MAMDC4: variants seen among roughly 807,000 people sequenced by gnomAD.
The protein encoded by MAMDC4 is MAM domain containing 4, also known as apical endosomal glycoprotein.
In MAMDC4, 168 loss-of-function variants were observed where a neutral mutation model predicts 153.3. The ratio of observed to expected loss-of-function variants is 1.10; its 90% CI spans 0.97 to 1.25. The LOEUF is 1.25. MAMDC4 is among the 50% of genes most tolerant of loss of function. The pLI is 0.00. For synonymous variants in MAMDC4, 744 were observed against 651.5 expected, an observed-to-expected ratio of 1.14 and a Z score of -2.16; for missense variants, 1,701 against 1,542.8, an observed-to-expected ratio of 1.10 and a Z score of -1.72.
intron 25 of MAMDC4, 196 bp from the exon 26 acceptor site, chr9:136,859,671 GCCTGGGGCCATGAGCCCCA>G (rs1849058192): frequency 3.3e-6 from 2 of 606,776 alleles, no homozygotes; most frequent in Admixed American, 3.0e-5. Flanking sequence ...AAAGAATCTC[GCCTGGGGCCATGAGCCCCA>G]CCAAGTCTGC....
chr9:136,854,818 G>T lies in MAMDC4; in HGVS notation c.991G>T (p.Glu331Ter). 1 of 1,612,804 alleles carries T rather than the reference G, an allele frequency of 6.2e-7. No homozygotes were observed. Among genetic ancestry groups the T allele is most frequent in the Non-Finnish European group, 8.5e-7 (1 of 1,179,870 alleles). ...CACCCCTGCTATACTCTCCAGCCCC[G>T]AATTCCAAGCCTCAGGCACCTCCAA... ...PGTPAILSSP[E>*]FQASGTSNCS... The change falls in exon 9 of 27, where the codon GAA becomes TAA. Residue 331 changes from glutamate (E) to a stop codon, truncating the protein, a stop_gained. Transcript: ENST00000317446. LOFTEE classifies it high-confidence loss of function.
intron 13 of MAMDC4, 63 bp from the exon 14 acceptor site, chr9:136,855,955 C>T (rs1848998230): frequency 6.4e-7 from 1 of 1,560,832 alleles, no homozygotes; most frequent in Non-Finnish European, 8.7e-7. Context: ...GACTGGGGAT[C>T]CCTGAGGGAC....
intron 1 of MAMDC4, 109 bp downstream of exon 1, chr9:136,852,571 G>C: frequency 7.2e-7 from 1 of 1,396,388 alleles, no homozygotes; most frequent in Non-Finnish European, 1.0e-6. Context: ...GCCCCAAAGG[G>C]AAGGAGGGTT....
At position 136,854,300 on chromosome 9, in the gene MAMDC4, T is replaced by C. The variant is rs1848971316; in HGVS notation, c.760T>C (p.Cys254Arg). The change falls in exon 7 of 27, where the codon TGC becomes CGC. Residue 254 changes from cysteine to arginine, a missense_variant. Physicochemically the swap from Cys to Arg is radical, Grantham distance 180 (BLOSUM62 -3). Coordinates refer to ENST00000317446, the MANE Select transcript of MAMDC4 (RefSeq NM_206920.3). ...GCAGCTGTGCGACGGGGAAGACAAC[T>C]GCGGGGACCTGTCTGATGAGAACCC... Reference protein sequence around the residue: ...PQQLCDGEDNCGDLSDENPLT... With the variant: ...PQQLCDGEDNRGDLSDENPLT... The C allele has an allele frequency of 6.3e-7, 1 of 1,597,012 alleles. No individual in the cohort carries two copies.
chr9:136,856,803 ACCACGAC>A lies in MAMDC4; in HGVS notation c.1816_1822del (p.His606ThrfsTer55). The stretch of plus-strand genomic sequence containing the variant: ...CGCTGGGTGGAGAGCCGCGGCCCTG[ACCACGAC>A]CACACCACAGGCCAAGGTAGGATGG... On this transcript the variant is annotated frameshift_variant, in exon 15 of 27. Coordinates refer to ENST00000317446, the MANE Select transcript of MAMDC4 (RefSeq NM_206920.3). LOFTEE classifies it high-confidence loss of function. 6.2e-7 allele frequency: 1 copy of A among 1,611,864 alleles called. No individual in the cohort carries two copies. The highest frequency in any genetic ancestry group is 8.5e-7 in the Non-Finnish European group (1 of 1,179,526).
rs761498553 is a variant in MAMDC4 at position 136,860,044 on chromosome 9, GACA to G, written c.3356_3358del (p.Asn1119del). On this transcript the variant is annotated inframe_deletion, in exon 26 of 27. Coordinates refer to ENST00000317446, the MANE Select transcript of MAMDC4 (RefSeq NM_206920.3). ...CACAGAGGCCACAGCCCCTGGCTTTGACAACATCCTTTTCAATGCGGTAGGAGC... is the reference window on the plus strand; with the variant it reads ...CACAGAGGCCACAGCCCCTGGCTTTGACATCCTTTTCAATGCGGTAGGAGC... 4 of 1,595,782 alleles carry G rather than the reference GACA, an allele frequency of 2.5e-6. No individual in the cohort carries two copies. The highest frequency in any genetic ancestry group is 1.8e-5 in the Admixed American group (1 of 56,856).
rs779805544 is a variant in MAMDC4, at chr9:136,856,070, G to A, written c.1641G>A (p.Arg547=). 6.2e-6 allele frequency: 10 copies of A among 1,612,424 alleles called. No individual in the cohort carries two copies. Among genetic ancestry groups the A allele is most frequent in the Middle Eastern group, 1.7e-4 (1 of 6,058 alleles). ...GGGGGCAGCTAGGCGCTGAGGCCCG[G>A]GTCCTCACACCCCTCCTTGGCCCTT... is the stretch of plus-strand genomic sequence containing the variant. ...RAWGQLGAEA[R]VLTPLLGPSG... is the part of the protein sequence containing the mutation. Residue 547 remains arginine (R), a synonymous_variant, in exon 14 of 27, where the codon CGG becomes CGA. Coordinates refer to ENST00000317446, the MANE Select transcript of MAMDC4 (RefSeq NM_206920.3).
In MAMDC4 at chr9:136,855,524, A is replaced by C. The variant is rs2131234798; in HGVS notation, c.1376A>C (p.Gln459Pro). ...TCGCGGCTCCAGGATTCCTGCAAGC[A>C]GGGGCATCTTGCCTGCGGGGACCTG... ...PSSRLQDSCK[Q>P]GHLACGDLCV... The change falls in exon 12 of 27, where the codon CAG becomes CCG. Residue 459 changes from glutamine to proline, a missense_variant. Transcript: ENST00000317446. 1.3e-6 allele frequency: 2 copies of C among 1,593,922 alleles called. No individual in the cohort carries two copies. Among genetic ancestry groups the C allele is most frequent in the Non-Finnish European group, 1.7e-6 (2 of 1,170,604 alleles).
At chr9:136,852,493 G>C in intron 1 of MAMDC4, 31 bp downstream of exon 1, 1 of 1,606,278 alleles carries the variant, frequency 6.2e-7, no homozygotes, top group Non-Finnish European at 8.5e-7. Flanking sequence ...CCTGAGGCAG[G>C]ACCAGGGGCC....
Position 136,854,063 on chromosome 9 carries a change from C to T in MAMDC4, c.657C>T (p.Asp219=), listed in dbSNP as rs369602597. ...AVALDDLEFW[D]CGLPTPQANC... The stretch of plus-strand genomic sequence containing the variant: ...CTCTAGATGACCTAGAGTTCTGGGA[C>T]TGTGGTCTGCCCAGTAAGGCACCGC... The change falls in exon 6 of 27, where the codon GAC becomes GAT. Residue 219 remains aspartate, a synonymous_variant. Coordinates refer to ENST00000317446, the MANE Select transcript of MAMDC4 (RefSeq NM_206920.3). 2.8e-5 allele frequency: 45 copies of T among 1,612,726 alleles called. No individual in the cohort carries two copies. The South Asian group carries it at 4.3e-4, about 15-fold the overall frequency.
In MAMDC4 at chr9:136,858,032, A is replaced by G. The variant is rs1849032122; in HGVS notation, c.2518A>G (p.Ser840Gly). 2.0e-6 allele frequency: 3 copies of G among 1,527,990 alleles called. No homozygotes were observed. The highest frequency in any genetic ancestry group is 2.6e-6 in the Non-Finnish European group (3 of 1,140,094). The allele number at this position is 1,527,990 out of a possible 1,614,324, so 94.7% of individuals were successfully genotyped here. A position where few individuals can be genotyped will look rare whatever the true frequency, so the allele number is the denominator to read the frequency against. ...CGGGAGGCACCAGGTGCTCAGCCTC[A>G]GTGCCCACGGCGGGCTTGCCTGGCG... ...ERGRHQVLSL[S>G]AHGGLAWRLG... is the part of the protein sequence containing the mutation. Residue 840 changes from serine to glycine, a missense_variant, in exon 20 of 27, where the codon AGT becomes GGT. Physicochemically the swap from Ser to Gly is moderately conservative, Grantham distance 56. Transcript: ENST00000317446.
Position 136,860,743 on chromosome 9 carries a change from C to A in MAMDC4, c.*140C>A. 1 of 843,820 alleles carries A rather than the reference C, an allele frequency of 1.2e-6. No homozygotes were observed. Among genetic ancestry groups the A allele is most frequent in the Non-Finnish European group, 1.9e-6 (1 of 531,852 alleles). 52.3% of individuals were successfully genotyped at this position (843,820 alleles called of 1,614,324 possible). On this transcript the variant is annotated 3_prime_UTR_variant, in exon 27 of 27. Coordinates refer to ENST00000317446, the MANE Select transcript of MAMDC4 (RefSeq NM_206920.3). ...ATGCTGAGGCCTGGGCGTTCCCTGC[C>A]CTGTGCTGACTCTGTTGCTCTGTGA...
At chr9:136,855,218 A>G in intron 10 of MAMDC4, 36 bp from the exon 11 acceptor site, 4 of 1,577,562 alleles carry the variant, frequency 2.5e-6, no homozygotes, top group Non-Finnish European at 3.4e-6. Flanking sequence ...CCAGGGGGAA[A>G]TAGGCTGGGC....
rs768060774 is a variant in MAMDC4, at chr9:136,855,769, G to A, written c.1509G>A (p.Trp503Ter). ...TTGAGTCCCCCGAGGCTGGGGGCTG[G>A]GAGGACGCCAGCGTGGGGCGGCTGC... ...TDFESPEAGG[W>*]EDASVGRLQW... Residue 503 changes from tryptophan to a stop codon, truncating the protein, a stop_gained, in exon 13 of 27, where the codon TGG (tryptophan) becomes TGA (stop). Transcript: ENST00000317446. LOFTEE classifies it high-confidence loss of function. 2 of 1,567,738 alleles carry A rather than the reference G, an allele frequency of 1.3e-6. No homozygotes were observed. The highest frequency in any genetic ancestry group is 1.7e-4 in the Middle Eastern group (1 of 5,876).
Position 136,857,211 on chromosome 9 carries a change from G to T in MAMDC4, c.2019G>T (p.Leu673=). The T allele has an allele frequency of 6.2e-7, 1 of 1,611,840 alleles. No individual in the cohort carries two copies. The highest frequency in any genetic ancestry group is 8.5e-7 in the Non-Finnish European group (1 of 1,179,582). Reference sequence around the variant, plus strand: ...GACGGGAAGGGGAGGAGACACACCTGTGGTCGCGGTCAGGCACCCAGGGCA... The same window carrying T: ...GACGGGAAGGGGAGGAGACACACCTTTGGTCGCGGTCAGGCACCCAGGGCA... ...AMRREGEETH[L]WSRSGTQGNR... Residue 673 remains leucine, a synonymous_variant, in exon 17 of 27, where the codon CTG becomes CTT. Transcript: ENST00000317446.
rs1849000080 is a variant in MAMDC4, at chr9:136,856,090, G to A, written c.1661G>A (p.Gly554Asp). 2.5e-6 allele frequency: 4 copies of A among 1,612,436 alleles called. No individual in the cohort carries two copies. The highest frequency in any genetic ancestry group is 3.4e-6 in the Non-Finnish European group (4 of 1,179,892). ...AEARVLTPLLGPSGPSCELHL... is the reference protein window; with the variant it reads ...AEARVLTPLLDPSGPSCELHL... ...GCCCGGGTCCTCACACCCCTCCTTGGCCCTTCTGGCCCCAGCTGTGAACTC... is the reference window on the plus strand; with the variant it reads ...GCCCGGGTCCTCACACCCCTCCTTGACCCTTCTGGCCCCAGCTGTGAACTC... The change falls in exon 14 of 27, where the codon GGC (glycine) becomes GAC (aspartate). Residue 554 changes from glycine (G) to aspartate (D), a missense_variant. Gly to Asp is a moderately conservative substitution (Grantham distance 94). Coordinates refer to ENST00000317446, the MANE Select transcript of MAMDC4 (RefSeq NM_206920.3).
intron 14 of MAMDC4, chr9:136,856,454 C>T (rs1849005014): frequency 6.4e-6 from 5 of 783,548 alleles, no homozygotes; most frequent in South Asian, 1.4e-5. Context: ...CATCCCCCTA[C>T]CCCATGAAGC....
rs979623606 is a variant in MAMDC4, at chr9:136,855,553, G to C, written c.1405G>C (p.Val469Leu). The C allele has an allele frequency of 8.8e-6, 14 of 1,591,506 alleles. No individual in the cohort carries two copies. The highest frequency in any genetic ancestry group is 1.1e-5 in the Non-Finnish European group (13 of 1,169,398). The change falls in exon 12 of 27, where the codon GTG becomes CTG. Residue 469 changes from valine (V) to leucine (L), a missense_variant. Physicochemically the swap from Val to Leu is conservative, Grantham distance 32. Coordinates refer to ENST00000317446, the MANE Select transcript of MAMDC4 (RefSeq NM_206920.3). ...QGHLACGDLCVPPEQLCDFEE... is the reference protein window; with the variant it reads ...QGHLACGDLCLPPEQLCDFEE... ...GCATCTTGCCTGCGGGGACCTGTGTGTGCCCCCGGAACAACTGTGTGACTT... is the reference window on the plus strand; with the variant it reads ...GCATCTTGCCTGCGGGGACCTGTGTCTGCCCCCGGAACAACTGTGTGACTT...
rs540925078 is a variant in MAMDC4, at chr9:136,855,494, C to G, written c.1346C>G (p.Pro449Arg). The change falls in exon 12 of 27, where the codon CCC becomes CGC. Residue 449 changes from proline (P) to arginine (R), a missense_variant. Physicochemically the swap from Pro to Arg is moderately radical, Grantham distance 103 (BLOSUM62 -2). Transcript: ENST00000317446. ...PRAPAPQPLPPSSRLQDSCKQ... is the reference protein window; with the variant it reads ...PRAPAPQPLPRSSRLQDSCKQ... Reference sequence around the variant, plus strand: ...GCCCCAGCCCCCCAGCCCCTGCCGCCCAGCTCGCGGCTCCAGGATTCCTGC... The same window carrying G: ...GCCCCAGCCCCCCAGCCCCTGCCGCGCAGCTCGCGGCTCCAGGATTCCTGC... 104 of 1,598,788 alleles carry G rather than the reference C, an allele frequency of 6.5e-5. No homozygotes were observed. Among genetic ancestry groups the G allele is most frequent in the Non-Finnish European group, 8.1e-5 (95 of 1,173,208 alleles).
Sources: gnomAD v4.1 joint callset for allele counts on GRCh38, gnomAD v4.1.1 for gene constraint, MANE v1.5 for transcripts, NCBI Gene and HGNC (gene_info 2026-07-23, HGNC 2026-07-21) for gene names.